Variants in AMELX observed in about 807,000 individuals in gnomAD.
The protein encoded by AMELX is amelogenin X-linked.
AMELX carries 9 observed loss-of-function variants against 15.8 expected under a neutral mutation model. The ratio of observed to expected loss-of-function variants is 0.57; its 90% CI spans 0.34 to 0.99. The LOEUF (loss-of-function observed/expected upper bound fraction) is 0.99, where lower values mean the gene tolerates loss of function less well. Ranked by LOEUF, AMELX falls within the 50% of genes least tolerant of loss-of-function variation. The pLI, the probability that AMELX is intolerant of heterozygous loss-of-function variation, is 0.02. For synonymous variants in AMELX, 61 were observed against 58.8 expected (o/e 1.04, Z -0.17); for missense variants, 107 against 156.2 (o/e 0.68, Z 1.68).
chrX:11,305,596 A>G (rs1379308343), downstream of AMELX, among the ~76,000 whole-genome samples: 2 of 111,647 alleles, frequency 1.8e-5, no homozygotes, highest in African/African-American at 3.3e-5. Flanking sequence ...GATTGTGTCT[A>G]CCCGAGTGAT....
downstream of AMELX, among the ~76,000 whole-genome samples, chrX:11,302,480 T>C (rs1205130172): frequency 8.9e-6 from 1 of 111,849 alleles, no homozygotes. Flanking sequence ...GGCCAAACTT[T>C]ACATACTAAA....
chrX:11,302,204 G>A (rs1267613434), downstream of AMELX, among the ~76,000 whole-genome samples: 1 of 112,414 alleles, frequency 8.9e-6, no homozygotes, highest in African/African-American at 3.2e-5. Context: ...GGGGCTAGTG[G>A]CTACCATTCT....
chrX:11,303,376 C>T (rs1014403632), downstream of AMELX, among the ~76,000 whole-genome samples: 2 of 111,880 alleles, frequency 1.8e-5, no homozygotes, highest in East Asian at 2.8e-4. Context: ...CTCTTCCAGA[C>T]GATAAATAAT....
chrX:11,298,425 A>C, intron 4 of AMELX, 123 bp from the exon 5 acceptor site: 1 of 1,142,997 alleles, frequency 8.7e-7, no homozygotes, highest in South Asian at 1.8e-5. Flanking sequence ...CACAGTTACA[A>C]ATTTTTGCAA....
chrX:11,299,912 C>A (rs373812581), intron 5 of AMELX, among the ~76,000 whole-genome samples: 1 of 111,366 alleles, frequency 9.0e-6, no homozygotes, highest in African/African-American at 3.3e-5. Context: ...GGGAAAATGA[C>A]GAAATCAGAT....
intron 3 of AMELX, among the ~76,000 whole-genome samples, chrX:11,297,617 T>C (rs2048108504): frequency 8.9e-6 from 1 of 111,891 alleles, no homozygotes; most frequent in Admixed American, 9.5e-5. Context: ...GGAATAAGAT[T>C]CTTACTTCTC....
At chrX:11,307,629 G>C in the AMELX span, among the ~76,000 whole-genome samples, 4 of 112,558 alleles carry the variant, frequency 3.6e-5, no homozygotes, top group Non-Finnish European at 5.6e-5. Context: ...CTGGAAGTAG[G>C]TACAACAGAG....
rs181251476 is a variant in AMELX, at chrX:11,296,685, T to C, written c.55-94T>C. ...CTTCAGTCTCCTTTAATGTGAACAA[T>C]TGCATACTGACTTAATCTCTTCCTC... On this transcript the variant is annotated intron_variant, in intron 2 of 5. Transcript: ENST00000380714. The C allele has an allele frequency of 2.4e-5, 24 of 985,020 alleles. 1 individual carries two copies. The East Asian group carries it at 6.3e-4, about 26-fold the overall frequency. 81.2% of individuals were successfully genotyped at this position (985,020 alleles called of 1,213,427 possible).
Position 11,298,741 on chromosome X carries a change from A to C in AMELX, c.338A>C (p.Gln113Pro), listed in dbSNP as rs964547932. ...VPGQHSMTPI[Q>P]HHQPNLPPPA... ...GGCCAACACTCCATGACTCCAATCC[A>C]ACACCACCAGCCAAACCTCCCTCCG... Residue 113 changes from glutamine to proline, a missense_variant, in exon 5 of 6, where the codon CAA becomes CCA. Gln to Pro is a moderately conservative substitution (Grantham distance 76). Transcript: ENST00000380714. The C allele has an allele frequency of 2.5e-6, 3 of 1,208,165 alleles. No homozygotes were observed. In the African/African-American group the frequency reaches 5.3e-5, roughly 21 times the overall value.
chrX:11,308,072 G>T, the AMELX span, among the ~76,000 whole-genome samples: 1 of 112,178 alleles, frequency 8.9e-6, no homozygotes, highest in East Asian at 2.8e-4. Flanking sequence ...ATAGAGAGAG[G>T]AAGAAATTTG....
At chrX:11,308,795 G>A in the AMELX span, among the ~76,000 whole-genome samples, 6 of 112,193 alleles carry the variant, frequency 5.3e-5, no homozygotes, top group African/African-American at 1.9e-4. Flanking sequence ...AAGCCAATGT[G>A]CATGTTAAAG....
chrX:11,302,655 T>C (rs1195203718), downstream of AMELX, among the ~76,000 whole-genome samples: 4 of 111,423 alleles, frequency 3.6e-5, no homozygotes, highest in Non-Finnish European at 7.5e-5. Context: ...GCATGCTTTC[T>C]GGGTTTACCT....
rs1285822496 is a variant in AMELX, at chrX:11,298,978, G to A, written c.570+5G>A. The A allele has an allele frequency of 8.3e-7, 1 of 1,205,845 alleles. No individual in the cohort carries two copies. Among genetic ancestry groups the A allele is most frequent in the African/African-American group, 1.8e-5 (1 of 57,021 alleles). ...AAGACCAAGCGGGAGGAAGTGGTGA[G>A]TATATTTTGAAGCCACTACAATGCA... is the stretch of plus-strand genomic sequence containing the variant. On this transcript the variant is annotated splice_donor_5th_base_variant and intron_variant, in intron 5 of 5. Transcript: ENST00000380714.
the AMELX span, among the ~76,000 whole-genome samples, chrX:11,306,485 G>T: frequency 8.9e-6 from 1 of 112,121 alleles, no homozygotes; most frequent in Non-Finnish European, 1.9e-5. Context: ...CATTTACTGG[G>T]CTTATTATAT....
intron 4 of AMELX, 88 bp from the exon 5 acceptor site, chrX:11,298,460 A>G (rs779831463): frequency 1.7e-6 from 2 of 1,168,404 alleles, no homozygotes; most frequent in African/African-American, 1.8e-5. Flanking sequence ...AAATATTCCT[A>G]TAGCCATAAT....
chrX:11,306,488 T>C, the AMELX span, among the ~76,000 whole-genome samples: 40,661 of 111,353 alleles, frequency 0.37, 6,295 homozygotes, highest in African/African-American at 0.59. Flanking sequence ...TTACTGGGCT[T>C]ATTATATTTC....
chrX:11,309,414 G>A, the AMELX span, among the ~76,000 whole-genome samples: 1 of 109,883 alleles, frequency 9.1e-6, no homozygotes, highest in African/African-American at 3.3e-5. Context: ...CTCCCTGTCT[G>A]GAATGCACAA....
chrX:11,301,615 G>T (rs1032277660), downstream of AMELX, among the ~76,000 whole-genome samples: 10 of 111,593 alleles, frequency 9.0e-5, no homozygotes, highest in African/African-American at 2.9e-4. Context: ...CAAATAACTT[G>T]ATTTTAAAGA....
chrX:11,295,753 T>G (rs375500894), intron 2 of AMELX, among the ~76,000 whole-genome samples: 19 of 112,108 alleles, frequency 1.7e-4, no homozygotes, highest in African/African-American at 5.8e-4. Flanking sequence ...TCTAAGATGG[T>G]ATTGTTCAAG....
Sources: allele counts gnomAD v4.1 joint callset (sites outside exome capture counted in the v4.1 genomes callset), GRCh38; gene constraint gnomAD v4.1.1; transcripts MANE v1.5; gene names NCBI Gene and HGNC (gene_info 2026-07-23, HGNC 2026-07-21).